Variants in SGCZ observed in about 807,000 individuals in gnomAD.
SGCZ encodes the protein sarcoglycan zeta.
In SGCZ, 40 loss-of-function variants were observed where a neutral mutation model predicts 41.3. The ratio of observed to expected loss-of-function variants is 0.97; its 90% confidence interval spans 0.75 to 1.26. SGCZ has a LOEUF of 1.26. SGCZ is among the 50% of genes most tolerant of loss of function. SGCZ has a pLI of 0.00. For missense variants in SGCZ, 552 were observed against 369.8 expected (o/e 1.49, Z -4.04); for synonymous variants, 206 against 137.5 (o/e 1.50, Z -3.49).
Position 14,090,360 on chromosome 8 carries a change from G to T in SGCZ, c.*83C>A. Reference sequence around the variant, plus strand: ...GGACCATTCGAAGAAGCTCTGGACTGATCACAAGGGAAACCGAGCAGAACT... The same window carrying T: ...GGACCATTCGAAGAAGCTCTGGACTTATCACAAGGGAAACCGAGCAGAACT... On this transcript the variant is annotated 3_prime_UTR_variant, in exon 8 of 8. Transcript: ENST00000382080. The T allele has an allele frequency of 1.4e-6, 2 of 1,459,748 alleles. No homozygotes were observed. The highest frequency in any genetic ancestry group is 2.1e-5 in the Admixed American group (1 of 48,700). The allele number at this position is 1,459,748 out of a possible 1,614,324, so 90.4% of individuals were successfully genotyped here. A position where few individuals can be genotyped will look rare whatever the true frequency, so the allele number is the denominator to read the frequency against.
At chr8:14,761,237 A>G (rs1799861516) in intron 1 of SGCZ, among the ~76,000 whole-genome samples, 1 of 152,260 alleles carries the variant, frequency 6.6e-6, no homozygotes, top group South Asian at 2.1e-4. Context: ...TTCCTCTAAC[A>G]AAGCACATTT....
chr8:14,130,106 G>A (rs975048197), intron 5 of SGCZ, among the ~76,000 whole-genome samples: 1 of 152,082 alleles, frequency 6.6e-6, no homozygotes, highest in African/African-American at 2.4e-5. Context: ...AATCAAATCA[G>A]TGTGGAACTA....
chr8:14,996,029 G>A (rs775377734), intron 1 of SGCZ, among the ~76,000 whole-genome samples: 9 of 151,678 alleles, frequency 5.9e-5, no homozygotes, highest in East Asian at 2.0e-4. Context: ...TCAGCCTCCC[G>A]AGTAGCTGAG....
intron 1 of SGCZ, among the ~76,000 whole-genome samples, chr8:14,677,494 G>A (rs1444940593): frequency 1.4e-4 from 22 of 152,210 alleles, no homozygotes; most frequent in Admixed American, 3.3e-4. Context: ...TATATGGGCC[G>A]GGCGGGGTGG....
intron 1 of SGCZ, among the ~76,000 whole-genome samples, chr8:14,866,861 A>T (rs928615669): frequency 5.3e-5 from 8 of 152,180 alleles, no homozygotes; most frequent in African/African-American, 1.9e-4. Flanking sequence ...AAAGAAAAAA[A>T]AGTTTATCTG....
At position 15,074,791 on chromosome 8, in the gene SGCZ, G is replaced by A. The variant is rs566061249; in HGVS notation, c.39+162794C>T. On this transcript the variant is annotated intron_variant, in intron 1 of 7. Coordinates refer to ENST00000382080, the MANE Select transcript of SGCZ (RefSeq NM_139167.4). ...CTCTTGGAATACATATTCATGCGTG[G>A]AATACATAGTTTTATCTTTCCTAAC... Among the ~76,000 whole-genome samples, 138 of 152,128 alleles carry A rather than the reference G, an allele frequency of 9.1e-4. 3 individuals carry two copies. In the South Asian group the frequency reaches 0.027, roughly 30 times the overall value.
intron 1 of SGCZ, among the ~76,000 whole-genome samples, chr8:15,168,903 A>G (rs1799746114): frequency 2.0e-5 from 3 of 152,230 alleles, no homozygotes; most frequent in South Asian, 4.1e-4. Flanking sequence ...GAAGCTCAGC[A>G]TGCTGGCAAA....
At chr8:15,052,492 A>T (rs1417023028) in intron 1 of SGCZ, among the ~76,000 whole-genome samples, 1 of 152,086 alleles carries the variant, frequency 6.6e-6, no homozygotes, top group Non-Finnish European at 1.5e-5. Flanking sequence ...TGTGCATCTG[A>T]CAGTGTCGCA....
intron 2 of SGCZ, among the ~76,000 whole-genome samples, chr8:14,441,242 C>T (rs768476668): frequency 6.6e-6 from 1 of 152,106 alleles, no homozygotes; most frequent in African/African-American, 2.4e-5. Context: ...TTTTTAGTTT[C>T]TACCTAATTT....
At chr8:15,233,705 C>T (rs189456945) in intron 1 of SGCZ, among the ~76,000 whole-genome samples, 3 of 151,818 alleles carry the variant, frequency 2.0e-5, no homozygotes, top group Admixed American at 6.5e-5. Context: ...TTATGTGTCT[C>T]AAGATTAACT....
chr8:14,189,433 C>T (rs1764045016), intron 4 of SGCZ, among the ~76,000 whole-genome samples: 1 of 152,118 alleles, frequency 6.6e-6, no homozygotes, highest in Non-Finnish European at 1.5e-5. Flanking sequence ...TCTTTCAGTA[C>T]TCATCTCAAT....
intron 1 of SGCZ, among the ~76,000 whole-genome samples, chr8:14,987,760 G>A (rs189317558): frequency 6.6e-5 from 10 of 152,090 alleles, no homozygotes; most frequent in African/African-American, 2.4e-4. Flanking sequence ...ATTTGAAGTT[G>A]TATTGCTTCA....
intron 2 of SGCZ, among the ~76,000 whole-genome samples, chr8:14,524,518 C>G (rs78940051): frequency 6.6e-6 from 1 of 152,092 alleles, no homozygotes; most frequent in African/African-American, 2.4e-5. Context: ...GCCTCCTACT[C>G]AGTCCTCTAC....
At chr8:14,597,563 G>A (rs1248634687) in intron 1 of SGCZ, among the ~76,000 whole-genome samples, 3 of 152,072 alleles carry the variant, frequency 2.0e-5, no homozygotes, top group African/African-American at 7.2e-5. Context: ...CCGCCTTCTG[G>A]GTTCAAGTGA....
At chr8:14,796,420 AT>A (rs561224058) in intron 1 of SGCZ, among the ~76,000 whole-genome samples, 2 of 147,312 alleles carry the variant, frequency 1.4e-5, no homozygotes, top group South Asian at 4.2e-4. Flanking sequence ...TACTCATTCT[AT>A]TTTTGTTTTT....
intron 7 of SGCZ, among the ~76,000 whole-genome samples, chr8:14,097,497 T>G (rs1242881409): frequency 1.3e-5 from 2 of 152,114 alleles, no homozygotes; most frequent in African/African-American, 4.8e-5. Flanking sequence ...TGCTGAGGAG[T>G]GTTTTACTTC....
At chr8:14,156,566 T>C (rs1009595194) in intron 5 of SGCZ, among the ~76,000 whole-genome samples, 1 of 152,226 alleles carries the variant, frequency 6.6e-6, no homozygotes, top group Non-Finnish European at 1.5e-5. Context: ...TAAAAACTTT[T>C]TGACTCTTTT....
intron 1 of SGCZ, among the ~76,000 whole-genome samples, chr8:15,218,068 C>T (rs1225877657): frequency 1.3e-5 from 2 of 152,072 alleles, no homozygotes; most frequent in Non-Finnish European, 2.9e-5. Context: ...TAAAATATAG[C>T]CCATTTACAT....
intron 1 of SGCZ, among the ~76,000 whole-genome samples, chr8:14,621,809 A>G (rs1458432719): frequency 1.3e-5 from 2 of 152,018 alleles, no homozygotes; most frequent in African/African-American, 4.8e-5. Flanking sequence ...TGGGATTACA[A>G]TTTGACCTGA....
Sources: gnomAD v4.1 joint callset for allele counts (sites outside exome capture counted in the v4.1 genomes callset) on GRCh38, gnomAD v4.1.1 for gene constraint, MANE v1.5 for transcripts, NCBI Gene and HGNC (gene_info 2026-07-23, HGNC 2026-07-21) for gene names.